Variants in AK8 observed in about 807,000 individuals in gnomAD.
AK8 encodes adenylate kinase 8.
Under a neutral mutation model 54.6 loss-of-function variants are expected in AK8, and 44 were observed. The ratio of observed to expected loss-of-function variants is 0.81; its 90% CI spans 0.63 to 1.04. The LOEUF is 1.04. Ranked by LOEUF, AK8 falls within the 50% of genes least tolerant of loss-of-function variation. The probability of loss-of-function intolerance (pLI) is 0.00; values close to 1 mark genes in which losing one functional copy is unlikely to be tolerated. For missense variants in AK8, 555 were observed against 613.6 expected, an observed-to-expected ratio of 0.90 and a Z score of 1.01; for synonymous variants, 239 against 245.6, an observed-to-expected ratio of 0.97 and a Z score of 0.25.
At chr9:132,820,341 C>T (rs1047853944) in intron 9 of AK8, among the ~76,000 whole-genome samples, 2 of 152,074 alleles carry the variant, frequency 1.3e-5, no homozygotes, top group African/African-American at 4.8e-5. Context: ...AATGAGGTCA[C>T]CCCCTGGATA....
chr9:132,866,748 G>C (rs1307680301), intron 3 of AK8, among the ~76,000 whole-genome samples, 156 bp downstream of exon 3: 2 of 152,134 alleles, frequency 1.3e-5, no homozygotes, highest in Non-Finnish European at 2.9e-5. Flanking sequence ...TAGGTTTTCT[G>C]CTATGAATAC....
intron 11 of AK8, among the ~76,000 whole-genome samples, chr9:132,787,006 G>T (rs1839738554): frequency 6.6e-6 from 1 of 151,976 alleles, no homozygotes; most frequent in Admixed American, 6.6e-5. Context: ...GCAGAAATTA[G>T]AATTCAATAA....
chr9:132,842,237 A>T (rs2131348000), intron 5 of AK8, among the ~76,000 whole-genome samples: 1 of 152,338 alleles, frequency 6.6e-6, no homozygotes, highest in South Asian at 2.1e-4. Flanking sequence ...TCCTTGGGCC[A>T]TGTGCATGTT....
chr9:132,832,727 A>C (rs1842159040), intron 5 of AK8, among the ~76,000 whole-genome samples: 2 of 152,206 alleles, frequency 1.3e-5, no homozygotes, highest in Admixed American at 1.3e-4. Context: ...GGCTTTTAGA[A>C]CTATTCAGGG....
intron 2 of AK8, among the ~76,000 whole-genome samples, chr9:132,872,696 C>A (rs547762350): frequency 1.3e-5 from 2 of 151,326 alleles, no homozygotes; most frequent in Non-Finnish European, 2.9e-5. Flanking sequence ...TGCAGTGGTG[C>A]GATCTCAGCT....
intron 5 of AK8, among the ~76,000 whole-genome samples, chr9:132,838,839 G>A (rs932358492): frequency 1.3e-5 from 2 of 152,144 alleles, no homozygotes; most frequent in Non-Finnish European, 2.9e-5. Flanking sequence ...AACATCATAG[G>A]ACAGTCATGC....
chr9:132,849,687 G>A (rs1004633671), intron 5 of AK8, among the ~76,000 whole-genome samples: 7 of 152,178 alleles, frequency 4.6e-5, no homozygotes, highest in Admixed American at 3.3e-4. Flanking sequence ...GAACAAGCTC[G>A]TGAGAACTGC....
At chr9:132,878,738 G>T, upstream of AK8, 3 of 986,724 alleles carry the variant, frequency 3.0e-6, no homozygotes, top group Non-Finnish European at 2.4e-6. This position sits in a 1 kb window ranked among gnomAD's most constrained non-coding sequence, Gnocchi z 4.7. Flanking sequence ...TTCGAGGATC[G>T]GGTGGAAATC....
At chr9:132,823,440 C>T in intron 8 of AK8, 104 bp from the exon 9 acceptor site, 1 of 1,479,312 alleles carries the variant, frequency 6.8e-7, no homozygotes, top group Non-Finnish European at 9.3e-7. Context: ...AACTCTTTTT[C>T]TCTTTCACAG....
chr9:132,756,563 C>T (rs767200875), intron 11 of AK8, among the ~76,000 whole-genome samples: 3 of 152,176 alleles, frequency 2.0e-5, no homozygotes, highest in Non-Finnish European at 2.9e-5. Context: ...AGGGGAGAGG[C>T]GATCAGCTGC....
intron 5 of AK8, among the ~76,000 whole-genome samples, chr9:132,832,425 G>A (rs1240220195): frequency 2.0e-5 from 3 of 152,156 alleles, no homozygotes; most frequent in South Asian, 2.1e-4. Flanking sequence ...GAGACGCAGC[G>A]TCTGACAGCT....
At chr9:132,862,544 G>A (rs1232928353) in intron 4 of AK8, among the ~76,000 whole-genome samples, 1 of 152,060 alleles carries the variant, frequency 6.6e-6, no homozygotes, top group Non-Finnish European at 1.5e-5. Context: ...GGCCAGGCTG[G>A]TCTCGAACTC....
chr9:132,829,681 C>T (rs2131311612), intron 5 of AK8, among the ~76,000 whole-genome samples: 1 of 151,828 alleles, frequency 6.6e-6, no homozygotes, highest in East Asian at 1.9e-4. Flanking sequence ...CACCCATCAG[C>T]CCCCTCTTGG....
intron 4 of AK8, among the ~76,000 whole-genome samples, chr9:132,862,695 G>A (rs1843438588): frequency 6.6e-6 from 1 of 152,142 alleles, no homozygotes; most frequent in Admixed American, 6.5e-5. Flanking sequence ...AGCCACATCT[G>A]AGCTCTGTGG....
At chr9:132,809,194 T>C (rs1840875060) in intron 10 of AK8, among the ~76,000 whole-genome samples, 1 of 152,058 alleles carries the variant, frequency 6.6e-6, no homozygotes, top group South Asian at 2.1e-4. Context: ...AGACCTAGGA[T>C]TGAAAAGGGG....
intron 5 of AK8, among the ~76,000 whole-genome samples, chr9:132,839,364 G>T (rs1842445322): frequency 6.6e-6 from 1 of 152,164 alleles, no homozygotes; most frequent in Non-Finnish European, 1.5e-5. Context: ...GGCTCAATGA[G>T]TCATGGGGCA....
At chr9:132,865,697 C>T (rs543961396) in intron 3 of AK8, among the ~76,000 whole-genome samples, 5 of 152,256 alleles carry the variant, frequency 3.3e-5, no homozygotes, top group Admixed American at 3.3e-4. Flanking sequence ...CCTGTAGTCC[C>T]AGCTTCTCGG....
intron 11 of AK8, among the ~76,000 whole-genome samples, chr9:132,750,182 G>A (rs1266344595): frequency 2.0e-5 from 3 of 151,832 alleles, no homozygotes; most frequent in African/African-American, 7.2e-5. Context: ...GCAATGGTGC[G>A]ATCTCGGCTC....
chr9:132,726,961 T>C (rs1836605715), intron 12 of AK8, among the ~76,000 whole-genome samples: 1 of 143,578 alleles, frequency 7.0e-6, no homozygotes, highest in African/African-American at 2.6e-5. Context: ...CTCTTAGTGA[T>C]TGTGGGGTTT....
Sources: gnomAD v4.1 joint callset for allele counts (sites outside exome capture counted in the v4.1 genomes callset) on GRCh38, gnomAD v4.1.1 for gene constraint, Gnocchi (gnomAD v3.1) non-coding constraint, MANE v1.5 for transcripts, NCBI Gene and HGNC (gene_info 2026-07-23, HGNC 2026-07-21) for gene names.